ZNF76: variants seen among roughly 807,000 people sequenced by gnomAD.
ZNF76 encodes the protein zinc finger protein 523.
A neutral mutation model predicts 66.9 loss-of-function variants in ZNF76; 66 were observed. The ratio of observed to expected loss-of-function variants is 0.99; its 90% CI spans 0.81 to 1.21. ZNF76 has a LOEUF of 1.21. Among genes scored for constraint, ZNF76 ranks in the 50% most tolerant of loss-of-function variants. The pLI, the probability that ZNF76 is intolerant of heterozygous loss-of-function variation, is 0.00. For missense variants in ZNF76, 729 were observed against 760.3 expected (o/e 0.96, Z 0.48); for synonymous variants, 275 against 296.1 (o/e 0.93, Z 0.73).
At position 35,293,736 on chromosome 6, in the gene ZNF76, C is replaced by G. The variant is rs988198267; in HGVS notation, c.1330-15C>G. 1 of 1,612,416 alleles carries G rather than the reference C, an allele frequency of 6.2e-7. No homozygotes were observed. The highest frequency in any genetic ancestry group is 8.5e-7 in the Non-Finnish European group (1 of 1,178,934). On this transcript the variant is annotated splice_polypyrimidine_tract_variant and intron_variant, in intron 11 of 13. Coordinates refer to ENST00000373953, the MANE Select transcript of ZNF76 (RefSeq NM_003427.5). ...CCACTGACACTGCCAGCTCATCTTCCCCTCCTGTTGGCAGGTCAGCCTGTC... is the reference window on the plus strand; with the variant it reads ...CCACTGACACTGCCAGCTCATCTTCGCCTCCTGTTGGCAGGTCAGCCTGTC...
In ZNF76 at chr6:35,281,209, C is replaced by T; in HGVS notation, c.58C>T (p.Gln20Ter). ...TAGTGATGGGACAACAGCCTACGTCCAGCAAGCTGTCAAAGGTAAGTATTT... is the reference window on the plus strand; with the variant it reads ...TAGTGATGGGACAACAGCCTACGTCTAGCAAGCTGTCAAAGGTAAGTATTT... ...TLSDGTTAYV[Q>*]QAVKGEKLLE... Residue 20 changes from glutamine (Q) to a stop codon, truncating the protein, a stop_gained, in exon 2 of 14, where the codon CAG (glutamine) becomes TAG (stop). Coordinates refer to ENST00000373953, the MANE Select transcript of ZNF76 (RefSeq NM_003427.5). LOFTEE classifies it high-confidence loss of function. 1 of 1,613,764 alleles carries T rather than the reference C, an allele frequency of 6.2e-7. No individual in the cohort carries two copies. Among genetic ancestry groups the T allele is most frequent in the Non-Finnish European group, 8.5e-7 (1 of 1,180,002 alleles).
intron 5 of ZNF76, among the ~76,000 whole-genome samples, chr6:35,290,051 C>T (rs895779708): frequency 6.6e-6 from 1 of 152,160 alleles, no homozygotes; most frequent in Non-Finnish European, 1.5e-5. Context: ...CCCTTTATCC[C>T]ATCAGAGATG....
Position 35,295,259 on chromosome 6 carries a change from G to T in ZNF76, c.*11G>T. The T allele has an allele frequency of 6.3e-7, 1 of 1,589,014 alleles. No homozygotes were observed. On this transcript the variant is annotated 3_prime_UTR_variant, in exon 14 of 14. Transcript: ENST00000373953. Reference sequence around the variant, plus strand: ...GAGAGTGGCTGCTGAGTCCAAGAGGGCTGGGTCCCACACCATGCTGGAGGA... The same window carrying T: ...GAGAGTGGCTGCTGAGTCCAAGAGGTCTGGGTCCCACACCATGCTGGAGGA...
At chr6:35,269,280 CAAAAAAA>C (rs10615994) in intron 1 of ZNF76, among the ~76,000 whole-genome samples, 4 of 82,242 alleles carry the variant, frequency 4.9e-5, no homozygotes, top group Non-Finnish European at 9.3e-5. Context: ...GACTCTGTCT[CAAAAAAA>C]AAAAAAAAAA....
chr6:35,261,811 G>C (rs1353910145), intron 1 of ZNF76, among the ~76,000 whole-genome samples: 1 of 152,052 alleles, frequency 6.6e-6, no homozygotes, highest in Non-Finnish European at 1.5e-5. Flanking sequence ...CACCAAGACT[G>C]GCCCTGACCC....
chr6:35,263,782 A>ACTCTGTCAC (rs1414584088), intron 1 of ZNF76, among the ~76,000 whole-genome samples: 1 of 151,964 alleles, frequency 6.6e-6, no homozygotes, highest in African/African-American at 2.4e-5. Flanking sequence ...ATGGAGTCTT[A>ACTCTGTCAC]CTCTGTCACC....
At chr6:35,275,665 C>T (rs1188110594) in intron 1 of ZNF76, among the ~76,000 whole-genome samples, 1 of 152,178 alleles carries the variant, frequency 6.6e-6, no homozygotes. Context: ...CAGGGAACAA[C>T]AGTAGCCTCT....
chr6:35,288,321 T>C, intron 5 of ZNF76: 1 of 363,184 alleles, frequency 2.8e-6, no homozygotes, highest in Non-Finnish European at 5.5e-6. Flanking sequence ...GACAAGGGCA[T>C]GTGCAACAGA....
At chr6:35,273,592 C>CT (rs1354094575) in intron 1 of ZNF76, among the ~76,000 whole-genome samples, 1 of 151,456 alleles carries the variant, frequency 6.6e-6, no homozygotes, top group African/African-American at 2.4e-5. Context: ...ACCAGCCTGA[C>CT]TAACATGGTG....
At chr6:35,260,132 C>T (rs966124548) in intron 1 of ZNF76, among the ~76,000 whole-genome samples, 3 of 152,086 alleles carry the variant, frequency 2.0e-5, no homozygotes, top group Non-Finnish European at 2.9e-5. Context: ...ACCAGGTAAC[C>T]GTTGGTTATT....
intron 1 of ZNF76, among the ~76,000 whole-genome samples, chr6:35,262,017 T>A (rs1312171686): frequency 4.6e-5 from 7 of 152,196 alleles, no homozygotes; most frequent in African/African-American, 1.7e-4. Context: ...ATGTAAGTTT[T>A]ATGTGACAGG....
rs531255135 is a variant in ZNF76, at chr6:35,267,001, G to A, written c.-97+7160G>A. Among the ~76,000 whole-genome samples the A allele has an allele frequency of 3.2e-4, 49 of 151,744 alleles. No individual in the cohort carries two copies. The East Asian group carries it at 6.0e-3, about 19-fold the overall frequency. ...TTTTTAGTAGAGACGGGGTTTCACC[G>A]TGTTAACCAGGATGGTCTCTATCTC... On this transcript the variant is annotated intron_variant, in intron 1 of 13. Transcript: ENST00000373953.
In ZNF76 at chr6:35,294,501, G is replaced by A. The variant is rs928291748; in HGVS notation, c.1540G>A (p.Val514Ile). 5.6e-6 allele frequency: 9 copies of A among 1,613,982 alleles called. No individual in the cohort carries two copies. In the African/African-American group the frequency reaches 8.0e-5, roughly 14 times the overall value. ...GGCTGTGGTGGCTGAGGACTCAAGT[G>A]TAGCATCTCTTCGTCATCAACAGGT... ...SGAVVAEDSS[V>I]ASLRHQQVAL... is the part of the protein sequence containing the mutation. The change falls in exon 13 of 14, where the codon GTA becomes ATA. Residue 514 changes from valine (V) to isoleucine (I), a missense_variant. Coordinates refer to ENST00000373953, the MANE Select transcript of ZNF76 (RefSeq NM_003427.5).
At chr6:35,280,516 T>TCCCCCCCCCCCCC (rs5875514) in intron 1 of ZNF76, among the ~76,000 whole-genome samples, 1 of 97,630 alleles carries the variant, frequency 1.0e-5, no homozygotes. Flanking sequence ...TCAAGCATGA[T>TCCCCCCCCCCCCC]CCCCCCCCCC....
chr6:35,277,218 C>T (rs1472950697), intron 1 of ZNF76, among the ~76,000 whole-genome samples: 1 of 152,132 alleles, frequency 6.6e-6, no homozygotes, highest in Non-Finnish European at 1.5e-5. Context: ...TCAGAGCAGA[C>T]CAAGAGAGGC....
intron 5 of ZNF76, among the ~76,000 whole-genome samples, chr6:35,289,122 A>G (rs1002013160): frequency 1.3e-5 from 2 of 152,082 alleles, no homozygotes; most frequent in Non-Finnish European, 2.9e-5. Flanking sequence ...CTCTACCTCT[A>G]CCTAGTCCAA....
chr6:35,273,740 AAAT>A (rs1787488261), intron 1 of ZNF76, among the ~76,000 whole-genome samples: 1 of 138,036 alleles, frequency 7.2e-6, no homozygotes, highest in Non-Finnish European at 1.6e-5. Context: ...AAAAAAAAAG[AAAT>A]GGGGGTCTCA....
rs780157094 is a variant in ZNF76 at position 35,290,642 on chromosome 6, T to C, written c.551T>C (p.Val184Ala). 1 of 1,614,188 alleles carries C rather than the reference T, an allele frequency of 6.2e-7. No individual in the cohort carries two copies. The highest frequency in any genetic ancestry group is 8.5e-7 in the Non-Finnish European group (1 of 1,180,026). Residue 184 changes from valine (V) to alanine (A), a missense_variant and splice_region_variant, in exon 7 of 14, where the codon GTG becomes GCG. Transcript: ENST00000373953. ...RLYTTAHHLKVHERAHTGDRP... is the reference protein window; with the variant it reads ...RLYTTAHHLKAHERAHTGDRP... ...TTATGTGATTGCTTGTCCTCACAGG[T>C]GCATGAACGAGCTCATACAGGTGAC... is the stretch of plus-strand genomic sequence containing the variant.
At chr6:35,265,807 G>T (rs1402543662) in intron 1 of ZNF76, among the ~76,000 whole-genome samples, 1 of 152,004 alleles carries the variant, frequency 6.6e-6, no homozygotes, top group Non-Finnish European at 1.5e-5. Context: ...TGCGGTGGGG[G>T]TGAATTGGGG....
Sources: allele counts gnomAD v4.1 joint callset (sites outside exome capture counted in the v4.1 genomes callset), GRCh38; gene constraint gnomAD v4.1.1; transcripts MANE v1.5; gene names NCBI Gene and HGNC (gene_info 2026-07-23, HGNC 2026-07-21).